RHOBTB2: variants seen among roughly 807,000 people sequenced by gnomAD.
The protein encoded by RHOBTB2 is rho-related BTB domain-containing protein 2.
Under a neutral mutation model 66.5 loss-of-function variants are expected in RHOBTB2, and 39 were observed. The observed-to-expected ratio is 0.59, with a 90% CI of 0.45 to 0.77. The LOEUF is 0.77. RHOBTB2 is among the 30% of genes least tolerant of loss of function. The probability of loss-of-function intolerance (pLI) is 0.00; values close to 1 mark genes in which losing one functional copy is unlikely to be tolerated. For missense variants in RHOBTB2, 755 were observed against 999.1 expected, an observed-to-expected ratio of 0.76 and a Z score of 3.29; for synonymous variants, 390 against 395.0, an observed-to-expected ratio of 0.99 and a Z score of 0.15.
the RHOBTB2 span, among the ~76,000 whole-genome samples, chr8:22,966,166 A>T: frequency 1.3e-5 from 2 of 151,530 alleles, no homozygotes; most frequent in Middle Eastern, 3.4e-3. Context: ...GCCTGGTCAA[A>T]GTAGGGAAAC....
At chr8:22,976,149 A>G in the RHOBTB2 span, among the ~76,000 whole-genome samples, 1 of 151,962 alleles carries the variant, frequency 6.6e-6, no homozygotes, top group Non-Finnish European at 1.5e-5. Flanking sequence ...CTGTCTCAAA[A>G]AATAAATAAA....
chr8:23,005,820 A>G (rs1051994277), intron 3 of RHOBTB2, 140 bp from the exon 4 acceptor site: 2 of 755,156 alleles, frequency 2.6e-6, no homozygotes, highest in East Asian at 2.5e-5. Context: ...TATTGTGATT[A>G]TATGTTTTGT....
Position 23,006,889 on chromosome 8 carries a change from A to G in RHOBTB2, c.644A>G (p.Gln215Arg). The change falls in exon 5 of 10, where the codon CAG becomes CGG. Residue 215 changes from glutamine (Q) to arginine (R), a missense_variant. Around this residue, in one of 7 missense-constraint regions of RHOBTB2, gnomAD observed 2 missense variants for 16.4 expected, o/e 0.12. Transcript: ENST00000251822. The surrounding 1 kb of genome is among the most constrained non-coding windows in gnomAD (Gnocchi z 6.1). ...GCACTCATCTCCCGCCGCCACCTGC[A>G]GTTCTGGAAGTCCCACCTCCGCAAT... is the stretch of plus-strand genomic sequence containing the variant. The part of the protein sequence containing the change: ...RAALISRRHL[Q>R]FWKSHLRNVQ... 6.2e-7 allele frequency: 1 copy of G among 1,614,060 alleles called. No homozygotes were observed. The highest frequency in any genetic ancestry group is 8.5e-7 in the Non-Finnish European group (1 of 1,180,010).
At chr8:22,997,913 G>A (rs1052067242), upstream of RHOBTB2, among the ~76,000 whole-genome samples, 3 of 152,224 alleles carry the variant, frequency 2.0e-5, no homozygotes, top group Non-Finnish European at 4.4e-5. Flanking sequence ...TGCCAAACAT[G>A]TGGAGGAAGA....
chr8:22,995,810 C>T, upstream of RHOBTB2: 2 of 1,547,336 alleles, frequency 1.3e-6, no homozygotes, highest in Non-Finnish European at 1.7e-6. Context: ...GGGCGGAGCT[C>T]ATGTCACAAG....
At chr8:22,991,135 G>T (rs1360314830) in intron 1 of RHOBTB2, among the ~76,000 whole-genome samples, 2 of 152,148 alleles carry the variant, frequency 1.3e-5, no homozygotes, top group Admixed American at 1.3e-4. Flanking sequence ...GGGCTGATGG[G>T]AGCCTGAGAG....
At chr8:23,015,787 T>G (rs1234033368) in intron 9 of RHOBTB2, 44 bp downstream of exon 9, 2 of 1,350,134 alleles carry the variant, frequency 1.5e-6, no homozygotes, top group Admixed American at 1.8e-5. Context: ...TGCCCTCCCC[T>G]TAGGGGTGCA....
chr8:22,996,523 G>C (rs1335685679), upstream of RHOBTB2, among the ~76,000 whole-genome samples: 1 of 119,724 alleles, frequency 8.4e-6, no homozygotes, highest in Non-Finnish European at 1.8e-5. Context: ...GTGTGTGTGT[G>C]TGTGTGTGTG....
chr8:22,964,977 A>G, the RHOBTB2 span, among the ~76,000 whole-genome samples: 45 of 151,666 alleles, frequency 3.0e-4, no homozygotes, highest in African/African-American at 1.1e-3. Flanking sequence ...CCACCACGCC[A>G]GGCTAATTTT....
chr8:22,994,571 G>T (rs1810497569), upstream of RHOBTB2: 1 of 1,550,936 alleles, frequency 6.4e-7, no homozygotes, highest in Non-Finnish European at 8.7e-7. Flanking sequence ...GAGCCTGGAG[G>T]GAACACAGAG....
At position 23,007,573 on chromosome 8, in the gene RHOBTB2, G is replaced by C; in HGVS notation, c.1328G>C (p.Arg443Pro). 2 of 1,614,172 alleles carry C rather than the reference G, an allele frequency of 1.2e-6. No homozygotes were observed. Among genetic ancestry groups the C allele is most frequent in the South Asian group, 2.2e-5 (2 of 91,080 alleles). ...LYTGELDENE[R>P]DLMHIAHIAE... ...ACGGGGGAGCTAGATGAGAACGAGC[G>C]TGACCTCATGCACATTGCCCACATT... The change falls in exon 5 of 10, where the codon CGT becomes CCT. Residue 443 changes from arginine (R) to proline (P), a missense_variant. Arg to Pro is a moderately radical substitution (Grantham distance 103, BLOSUM62 -2). Transcript: ENST00000251822.
intron 9 of RHOBTB2, among the ~76,000 whole-genome samples, chr8:23,016,270 G>A (rs1156474656): frequency 1.3e-5 from 2 of 151,692 alleles, no homozygotes; most frequent in Non-Finnish European, 2.9e-5. Flanking sequence ...TGAAGGGTCT[G>A]CCACTCTTTC....
At chr8:22,966,963 A>T in the RHOBTB2 span, among the ~76,000 whole-genome samples, 1 of 152,218 alleles carries the variant, frequency 6.6e-6, no homozygotes, top group African/African-American at 2.4e-5. Flanking sequence ...GGGGATGGAA[A>T]ATGGTGTAGC....
chr8:23,009,241 A>G (rs1177009877), intron 6 of RHOBTB2, among the ~76,000 whole-genome samples: 1 of 151,832 alleles, frequency 6.6e-6, no homozygotes, highest in Non-Finnish European at 1.5e-5. Flanking sequence ...ACTTAATAGA[A>G]CCACCTGCCT....
At chr8:23,002,294 C>G (rs940517125) in intron 1 of RHOBTB2, among the ~76,000 whole-genome samples, 1 of 152,250 alleles carries the variant, frequency 6.6e-6, no homozygotes, top group Non-Finnish European at 1.5e-5. Context: ...GGCGCCAGCA[C>G]ATTCCTCAAC....
chr8:23,014,398 T>G (rs1811230120), intron 7 of RHOBTB2, among the ~76,000 whole-genome samples: 1 of 152,234 alleles, frequency 6.6e-6, no homozygotes, highest in South Asian at 2.1e-4. Flanking sequence ...TGTTGGGAAC[T>G]TTGACCCTAC....
chr8:22,955,895 C>G, the RHOBTB2 span, among the ~76,000 whole-genome samples: 2 of 152,118 alleles, frequency 1.3e-5, no homozygotes, highest in African/African-American at 4.8e-5. Flanking sequence ...AGTGCCCACT[C>G]TGCGCTGGGT....
At chr8:23,001,742 G>C (rs1458882870) in intron 1 of RHOBTB2, among the ~76,000 whole-genome samples, 1 of 152,154 alleles carries the variant, frequency 6.6e-6, no homozygotes, top group African/African-American at 2.4e-5. Context: ...CCTCTTCCTA[G>C]ATAGGACAGT....
At chr8:22,962,301 A>G in the RHOBTB2 span, among the ~76,000 whole-genome samples, 2 of 150,782 alleles carry the variant, frequency 1.3e-5, no homozygotes, top group African/African-American at 4.9e-5. Context: ...CTGGATGTAT[A>G]CTAGGCCCAG....
Sources: gnomAD v4.1 joint callset for allele counts (sites outside exome capture counted in the v4.1 genomes callset) on GRCh38, gnomAD v4.1.1 for gene constraint, gnomAD v4.1.1 regional missense constraint, Gnocchi (gnomAD v3.1) non-coding constraint, MANE v1.5 for transcripts, NCBI Gene and HGNC (gene_info 2026-07-23, HGNC 2026-07-21) for gene names.